The following FEZ2 variants were observed in gnomAD, a reference collection of about 807,000 sequenced individuals.
FEZ2 encodes the protein fasciculation and elongation protein zeta-2.
In FEZ2, 51 loss-of-function variants were observed where a neutral mutation model predicts 40.4. That is an observed-to-expected ratio of 1.26 (90% CI 1.01 to 1.59). The LOEUF is 1.59. FEZ2 is among the 40% of genes most tolerant of loss of function. The pLI is 0.00. For synonymous variants in FEZ2, 242 were observed against 172.0 expected (o/e 1.41, Z -3.18); for missense variants, 640 against 438.3 (o/e 1.46, Z -4.11).
At chr2:36,596,294 T>G (rs1669219882) in intron 1 of FEZ2, among the ~76,000 whole-genome samples, 1 of 152,188 alleles carries the variant, frequency 6.6e-6, no homozygotes, top group Non-Finnish European at 1.5e-5. Context: ...CTTTACAAGC[T>G]TCCTACCTTA....
chr2:36,553,177 G>A lies in FEZ2; in HGVS notation c.1048C>T (p.Leu350=). Residue 350 remains leucine, a splice_region_variant and synonymous_variant, in exon 8 of 8, where the codon CTG becomes TTG. Transcript: ENST00000405912. ...AAGTTGCTGCTCTATGTAGGACACA[G>A]AACTAGAAGAAAAAGAGAACTTTTA... is the stretch of plus-strand genomic sequence containing the variant. The part of the protein sequence containing the change: ...SLLTDYILKV[L]CPT 2 of 1,559,002 alleles carry A rather than the reference G, an allele frequency of 1.3e-6. No homozygotes were observed. The highest frequency in any genetic ancestry group is 1.7e-6 in the Non-Finnish European group (2 of 1,149,216).
At position 36,556,821 on chromosome 2, in the gene FEZ2, T is replaced by C. The variant is rs534899274; in HGVS notation, c.980-1073A>G. The C allele has an allele frequency of 8.5e-5, 13 of 152,338 alleles. No homozygotes were observed. In the South Asian group the frequency reaches 1.2e-3, roughly 15 times the overall value. The allele number at this position is 152,338 out of a possible 1,614,324, so 9.4% of individuals were successfully genotyped here. On this transcript the variant is annotated intron_variant, in intron 6 of 7. Coordinates refer to ENST00000405912, the MANE Select transcript of FEZ2 (RefSeq NM_005102.3). The stretch of plus-strand genomic sequence containing the variant: ...TTTAAATTTTTATTAACTATTATTA[T>C]TGCACCCAAAATCCCCTAATAGCTT...
In FEZ2 at chr2:36,558,471, G is replaced by C. The variant is rs536758709; in HGVS notation, c.946C>G (p.Pro316Ala). The C allele has an allele frequency of 2.6e-6, 4 of 1,528,286 alleles. No individual in the cohort carries two copies. The South Asian group carries it at 5.0e-5, about 19-fold the overall frequency. The allele number at this position is 1,528,286 out of a possible 1,614,324, so 94.7% of individuals were successfully genotyped here. Residue 316 changes from proline to alanine, a missense_variant, in exon 6 of 8, where the codon CCG (proline) becomes GCG (alanine). Physicochemically the swap from Pro to Ala is conservative, Grantham distance 27 (BLOSUM62 -1). Transcript: ENST00000405912. ...AATATTTGAAGATCTTCAACAGACG[G>C]TGGTCCGTTTTTTTTCTCATAAGGA... ...VIPYEKKNGP[P>A]SVEDLQILTK...
intron 5 of FEZ2, among the ~76,000 whole-genome samples, chr2:36,576,375 T>C (rs2125232520): frequency 6.6e-6 from 1 of 152,242 alleles, no homozygotes; most frequent in South Asian, 2.1e-4. Flanking sequence ...GTTCAAGCGA[T>C]TCTCATGCCT....
chr2:36,555,609 T>C, intron 7 of FEZ2, 74 bp downstream of exon 7: 1 of 735,166 alleles, frequency 1.4e-6, no homozygotes. Context: ...CTGTCTAATG[T>C]ATTAGCAAGG....
intron 5 of FEZ2, among the ~76,000 whole-genome samples, chr2:36,569,446 T>A (rs1328894225): frequency 6.6e-6 from 1 of 152,178 alleles, no homozygotes; most frequent in Non-Finnish European, 1.5e-5. Context: ...GACATTACTA[T>A]CTATGACTAA....
chr2:36,583,620 T>C (rs1217005164), intron 2 of FEZ2, among the ~76,000 whole-genome samples, 151 bp from the exon 3 acceptor site: 1 of 152,172 alleles, frequency 6.6e-6, no homozygotes, highest in Non-Finnish European at 1.5e-5. Context: ...TACCAGGCAA[T>C]GAGTATATAT....
intron 1 of FEZ2, among the ~76,000 whole-genome samples, chr2:36,597,551 CCCCAGGAGGTG>C (rs1245074382): frequency 1.4e-4 from 1 of 7,296 alleles, no homozygotes; most frequent in African/African-American, 1.2e-3. Flanking sequence ...GACACACGTG[CCCCAGGAGGTG>C]CCCCAGGAGG....
At position 36,578,808 on chromosome 2, in the gene FEZ2, G is replaced by A. The variant is rs1668651870; in HGVS notation, c.692C>T (p.Ala231Val). 1 of 1,613,140 alleles carries A rather than the reference G, an allele frequency of 6.2e-7. No homozygotes were observed. The highest frequency in any genetic ancestry group is 2.2e-5 in the East Asian group (1 of 44,884). Residue 231 changes from alanine to valine, a missense_variant, in exon 5 of 8, where the codon GCC becomes GTC. Ala to Val is a moderately conservative substitution (Grantham distance 64, BLOSUM62 0). Coordinates refer to ENST00000405912, the MANE Select transcript of FEZ2 (RefSeq NM_005102.3). ...LNEILEEIET[A>V]IKEYSEELVQ... Reference sequence around the variant, plus strand: ...CAGCTCCTCAGAGTACTCCTTAATGGCAGTCTCAATTTCTTCCAGGATTTC... The same window carrying A: ...CAGCTCCTCAGAGTACTCCTTAATGACAGTCTCAATTTCTTCCAGGATTTC...
rs1319388076 is a variant in FEZ2, at chr2:36,578,763, C to A, written c.737G>T (p.Arg246Leu). ...TTCCTTTTCAAACTCCAGTTCATCT[C>A]GTAAAGCCAACTGCTGCACCAGCTC... ...SEELVQQLALRDELEFEKEVK... is the reference protein window; with the variant it reads ...SEELVQQLALLDELEFEKEVK... Residue 246 changes from arginine to leucine, a missense_variant, in exon 5 of 8, where the codon CGA (arginine) becomes CTA (leucine). Physicochemically the swap from Arg to Leu is moderately radical, Grantham distance 102 (BLOSUM62 -2). Coordinates refer to ENST00000405912, the MANE Select transcript of FEZ2 (RefSeq NM_005102.3). The A allele has an allele frequency of 1.9e-6, 3 of 1,613,992 alleles. No individual in the cohort carries two copies. Among genetic ancestry groups the A allele is most frequent in the Non-Finnish European group, 2.5e-6 (3 of 1,179,872 alleles).
chr2:36,558,129 G>A (rs1020290926), intron 6 of FEZ2: 1 of 186,456 alleles, frequency 5.4e-6, no homozygotes, highest in Non-Finnish European at 1.1e-5. Flanking sequence ...TTTTATTTAT[G>A]ATAAATGGAT....
intron 3 of FEZ2, among the ~76,000 whole-genome samples, chr2:36,581,792 A>C (rs1318260951): frequency 1.3e-5 from 2 of 152,230 alleles, no homozygotes; most frequent in Non-Finnish European, 2.9e-5. Context: ...AGAAGAAAGC[A>C]AATAACAGAA....
intron 2 of FEZ2, among the ~76,000 whole-genome samples, chr2:36,585,877 G>A (rs1051419007): frequency 3.9e-5 from 6 of 152,098 alleles, no homozygotes; most frequent in Admixed American, 3.9e-4. Flanking sequence ...AATAAATAAA[G>A]TCTAAAATTG....
intron 5 of FEZ2, 27 bp downstream of exon 5, chr2:36,578,570 C>T (rs971827620): frequency 8.2e-6 from 13 of 1,594,182 alleles, no homozygotes; most frequent in African/African-American, 2.7e-5. Flanking sequence ...TTCCAGTGTT[C>T]GACGCCTCCT....
At chr2:36,588,847 G>A (rs1668984147) in intron 2 of FEZ2, among the ~76,000 whole-genome samples, 1 of 151,686 alleles carries the variant, frequency 6.6e-6, no homozygotes, top group African/African-American at 2.4e-5. Context: ...AATATGGTGG[G>A]CCCGCTGTAC....
intron 5 of FEZ2, among the ~76,000 whole-genome samples, chr2:36,566,584 C>T (rs915502201): frequency 1.8e-4 from 28 of 152,146 alleles, no homozygotes; most frequent in Non-Finnish European, 2.6e-4. Flanking sequence ...AGTGACTTAA[C>T]CTGCAAAACG....
At chr2:36,571,844 GA>G (rs979148998) in intron 5 of FEZ2, among the ~76,000 whole-genome samples, 148 of 136,348 alleles carry the variant, frequency 1.1e-3, no homozygotes, top group Non-Finnish European at 9.1e-4. Context: ...CACCTCTACT[GA>G]AAAAAAAAAA....
chr2:36,579,330 T>G (rs1668668460), intron 4 of FEZ2, among the ~76,000 whole-genome samples: 1 of 152,200 alleles, frequency 6.6e-6, no homozygotes, highest in African/African-American at 2.4e-5. Context: ...TACACTTAAT[T>G]ACATAAGTCC....
intron 5 of FEZ2, among the ~76,000 whole-genome samples, chr2:36,571,858 T>C (rs13413240): frequency 7.1e-6 from 1 of 141,008 alleles, no homozygotes; most frequent in Admixed American, 7.1e-5. Context: ...AAAAAAAAAA[T>C]ACAAAAGTTA....
Sources: allele counts gnomAD v4.1 joint callset (sites outside exome capture counted in the v4.1 genomes callset), GRCh38; gene constraint gnomAD v4.1.1; transcripts MANE v1.5; gene names NCBI Gene and HGNC (gene_info 2026-07-23, HGNC 2026-07-21).